IL17REL: variants seen among roughly 807,000 people sequenced by gnomAD.
IL17REL encodes interleukin 17 receptor E like.
In IL17REL, 36 loss-of-function variants were observed where a neutral mutation model predicts 49.0. That is an observed-to-expected ratio of 0.73 (90% CI 0.56 to 0.97). The LOEUF (loss-of-function observed/expected upper bound fraction) is 0.97. Among genes scored for constraint, IL17REL ranks in the 50% least tolerant of loss-of-function variants. The pLI is 0.00. For missense variants in IL17REL, 470 were observed against 453.9 expected, an observed-to-expected ratio of 1.04 and a Z score of -0.32; for synonymous variants, 206 against 192.4, an observed-to-expected ratio of 1.07 and a Z score of -0.58.
At chr22:50,009,487 C>T (rs1347144097), upstream of IL17REL, among the ~76,000 whole-genome samples, 2 of 152,196 alleles carry the variant, frequency 1.3e-5, no homozygotes, top group Non-Finnish European at 2.9e-5. Context: ...GCACTGGCGC[C>T]CTCAGAGCAG....
In IL17REL at chr22:50,002,318, T is replaced by C. The variant is rs966464232; in HGVS notation, c.-41-1087A>G. Among the ~76,000 whole-genome samples the C allele has an allele frequency of 5.9e-5, 9 of 152,314 alleles. No individual in the cohort carries two copies. In the East Asian group the frequency reaches 1.2e-3, roughly 20 times the overall value. ...GTGCTCCTTCGCTTCAGTAAATCTGTGCCCTCCTTACTCCATTATTTTTTG... is the reference window on the plus strand; with the variant it reads ...GTGCTCCTTCGCTTCAGTAAATCTGCGCCCTCCTTACTCCATTATTTTTTG... On this transcript the variant is annotated intron_variant, in intron 1 of 12. Coordinates refer to ENST00000341280, the Ensembl canonical transcript of IL17REL.
At chr22:49,998,734 GGTGT>G (rs1211446014) in intron 7 of IL17REL, among the ~76,000 whole-genome samples, 3 of 148,012 alleles carry the variant, frequency 2.0e-5, no homozygotes, top group African/African-American at 5.0e-5. Context: ...CATGTGTATG[GGTGT>G]GTATGTGCAT....
In IL17REL at chr22:50,000,563, C is replaced by T. The variant is rs1304515555; in HGVS notation, c.249G>A (p.Val83=). 1.9e-6 allele frequency: 3 copies of T among 1,613,532 alleles called. No homozygotes were observed. The Admixed American group carries it at 5.0e-5, about 27-fold the overall frequency. The change falls in exon 4 of 13, where the codon GTG becomes GTA. Residue 83 remains valine, a synonymous_variant. Transcript: ENST00000341280. ...TGACATAGAGGTGCTGGGCCACGCT[C>T]ACCGCAAAGCAGCCAAAGTGCACTT...
At chr22:50,001,623 G>A (rs1257714180) in intron 1 of IL17REL, among the ~76,000 whole-genome samples, 1 of 152,254 alleles carries the variant, frequency 6.6e-6, no homozygotes, top group Non-Finnish European at 1.5e-5. Context: ...GGACACCTGG[G>A]AGGCGACCCC....
At chr22:49,997,350 T>G (rs2061042419) in exon 11 of IL17REL, 1 of 1,613,526 alleles carries the variant, frequency 6.2e-7, no homozygotes, top group South Asian at 1.1e-5. Context: ...TGGCCTGGAG[T>G]GTGCGTTGGC....
chr22:50,007,321 G>A (rs571836275), intron 1 of IL17REL, among the ~76,000 whole-genome samples: 2 of 152,190 alleles, frequency 1.3e-5, no homozygotes, highest in East Asian at 3.9e-4. Flanking sequence ...TAAAAAAGGA[G>A]ACTCCATAGG....
rs926326140 is a variant in IL17REL at position 49,997,510 on chromosome 22, C to A, written c.878-94G>T. On this transcript the variant is annotated intron_variant, in intron 10 of 12. Transcript: ENST00000341280. Reference sequence around the variant, plus strand: ...TGTGGGGAGTGAAGGGTGAGACCCCCATCCGGCCCAGCACCCCACCGCCTC... The same window carrying A: ...TGTGGGGAGTGAAGGGTGAGACCCCAATCCGGCCCAGCACCCCACCGCCTC... 2.9e-6 allele frequency: 4 copies of A among 1,402,458 alleles called. No homozygotes were observed. In the African/African-American group the frequency reaches 4.3e-5, roughly 15 times the overall value. 86.9% of individuals were successfully genotyped at this position (1,402,458 alleles called of 1,614,324 possible).
downstream of IL17REL, among the ~76,000 whole-genome samples, chr22:49,994,209 G>A (rs2061020079): frequency 1.3e-5 from 2 of 152,196 alleles, no homozygotes; most frequent in African/African-American, 4.8e-5. Context: ...CTCAAACCCA[G>A]CTTCTAAAGC....
At chr22:50,000,902 G>A in intron 2 of IL17REL, 39 bp from the exon 4 acceptor site, 1 of 1,456,106 alleles carries the variant, frequency 6.9e-7, no homozygotes. Flanking sequence ...CATCAGAGCA[G>A]GGCCGCCCCT....
upstream of IL17REL, among the ~76,000 whole-genome samples, chr22:50,009,532 G>A (rs929445570): frequency 6.6e-5 from 10 of 152,190 alleles, no homozygotes; most frequent in East Asian, 1.2e-3. Flanking sequence ...CCCTGGGGGC[G>A]GCCACTGAGC....
chr22:50,007,546 G>A (rs200650415), intron 1 of IL17REL, among the ~76,000 whole-genome samples: 2 of 151,600 alleles, frequency 1.3e-5, no homozygotes, highest in African/African-American at 4.8e-5. Context: ...AATTTTTTTG[G>A]GGGGGGGATT....
chr22:49,999,945 C>T, exon 5 of IL17REL: 2 of 1,522,046 alleles, frequency 1.3e-6, no homozygotes, highest in Non-Finnish European at 1.8e-6. Flanking sequence ...GCCTCCGGTC[C>T]ACCCAGTAGC....
rs1032915154 is a variant in IL17REL at position 50,005,003 on chromosome 22, CGGA to C, written c.-42+3631_-42+3633del. Among the ~76,000 whole-genome samples the C allele has an allele frequency of 8.4e-5, 12 of 143,120 alleles. 1 individual carries two copies. The highest frequency in any genetic ancestry group is 7.0e-4 in the Admixed American group (10 of 14,328). 93.9% of individuals were successfully genotyped at this position (143,120 alleles called of 152,430 possible). On this transcript the variant is annotated intron_variant, in intron 1 of 12. Transcript: ENST00000341280. Reference sequence around the variant, plus strand: ...AAAAAAAAAAAAAAAGGTGAAGCCACGGAGGAGAAGGACTCACGGTGAGCAAGG... The same window carrying C: ...AAAAAAAAAAAAAAAGGTGAAGCCACGGAGAAGGACTCACGGTGAGCAAGG...
chr22:49,997,500 G>A lies in IL17REL; in HGVS notation c.878-84C>T. The stretch of plus-strand genomic sequence containing the variant: ...TTTTCCAGGCTGTGGGGAGTGAAGG[G>A]TGAGACCCCCATCCGGCCCAGCACC... On this transcript the variant is annotated intron_variant, in intron 10 of 12. Transcript: ENST00000341280. The A allele has an allele frequency of 4.2e-6, 6 of 1,442,824 alleles. No individual in the cohort carries two copies. The South Asian group carries it at 4.8e-5, about 11-fold the overall frequency. 89.4% of individuals were successfully genotyped at this position (1,442,824 alleles called of 1,614,324 possible).
chr22:49,999,257 A>G lies in IL17REL; in HGVS notation c.601+34T>C, dbSNP rs780804044. On this transcript the variant is annotated intron_variant, in intron 7 of 12. Coordinates refer to ENST00000341280, the Ensembl canonical transcript of IL17REL. ...AGTCAGACTGGCCGCAGCCATTCCC[A>G]CCCTTCCGCCCGTTGGCATCGCAGG... 5.0e-6 allele frequency: 8 copies of G among 1,611,622 alleles called. No individual in the cohort carries two copies. In the Admixed American group the frequency reaches 1.2e-4, roughly 24 times the overall value.
downstream of IL17REL, among the ~76,000 whole-genome samples, chr22:49,991,895 G>A (rs373308495): frequency 1.7e-4 from 26 of 152,162 alleles, no homozygotes; most frequent in East Asian, 3.8e-3. Flanking sequence ...ATGTGCCTGA[G>A]GTGGTCCGGG....
chr22:50,007,406 C>T (rs888542295), intron 1 of IL17REL, among the ~76,000 whole-genome samples: 2 of 152,080 alleles, frequency 1.3e-5, no homozygotes, highest in African/African-American at 4.8e-5. Flanking sequence ...AGTCTCACTC[C>T]ATTGCCCAGG....
Position 49,998,339 on chromosome 22 carries a change from A to G in IL17REL, c.602-30T>C, listed in dbSNP as rs1407514974. The G allele has an allele frequency of 2.5e-6, 4 of 1,570,600 alleles. No individual in the cohort carries two copies. In the Admixed American group the frequency reaches 7.4e-5, roughly 29 times the overall value. Reference sequence around the variant, plus strand: ...AGGAACCCTCCCCGAAACACAGGTCAGTTGGGCCCTACCCTGGCTGCCAGG... The same window carrying G: ...AGGAACCCTCCCCGAAACACAGGTCGGTTGGGCCCTACCCTGGCTGCCAGG... On this transcript the variant is annotated intron_variant, in intron 7 of 12. Transcript: ENST00000341280.
intron 1 of IL17REL, among the ~76,000 whole-genome samples, chr22:50,003,286 C>T (rs2061088865): frequency 6.6e-6 from 1 of 152,068 alleles, no homozygotes; most frequent in Non-Finnish European, 1.5e-5. Flanking sequence ...CTTTGGAAGG[C>T]CAAGGCGGGC....
Sources: gnomAD v4.1 joint callset for allele counts (sites outside exome capture counted in the v4.1 genomes callset) on GRCh38, gnomAD v4.1.1 for gene constraint, MANE v1.5 for transcripts, NCBI Gene and HGNC (gene_info 2026-07-23, HGNC 2026-07-21) for gene names.